WDR44: variants seen among roughly 807,000 people sequenced by gnomAD.
WDR44 encodes WD repeat-containing protein 44.
A neutral mutation model predicts 65.7 loss-of-function variants in WDR44; 9 were observed. The observed-to-expected ratio is 0.14, with a 90% CI of 0.08 to 0.24. The LOEUF is 0.24. WDR44 is among the 10% of genes least tolerant of loss of function. WDR44 has a pLI of 1.00. For synonymous variants in WDR44, 220 were observed against 235.2 expected (o/e 0.94, Z 0.59); for missense variants, 425 against 670.9 (o/e 0.63, Z 4.05).
At chrX:118,424,323 GTATATATA>G (rs1171699587) in intron 12 of WDR44, among the ~76,000 whole-genome samples, 3 of 65,566 alleles carry the variant, frequency 4.6e-5, no homozygotes, top group African/African-American at 2.0e-4. Context: ...GTGTGTGTGT[GTATATATA>G]TATATATATA....
chrX:118,359,910 T>C (rs2056496401), intron 1 of WDR44, among the ~76,000 whole-genome samples: 1 of 112,328 alleles, frequency 8.9e-6, no homozygotes, highest in South Asian at 3.6e-4. Context: ...TAAACCAGTA[T>C]TGCTTTGCAT....
chrX:118,393,149 G>A lies in WDR44; in HGVS notation c.704G>A (p.Arg235His). The part of the protein sequence containing the change: ...VASTKKPVPA[R>H]PPPPTNFPPP... The stretch of plus-strand genomic sequence containing the variant: ...AGTACAAAGAAGCCTGTTCCAGCAC[G>A]CCCACCTCCTCCAACTAATTTCCCA... Residue 235 changes from arginine (R) to histidine (H), a missense_variant, in exon 4 of 20, where the codon CGC becomes CAC. Physicochemically the swap from Arg to His is conservative, Grantham distance 29. Coordinates refer to ENST00000254029, the MANE Select transcript of WDR44 (RefSeq NM_019045.5). 1 of 1,211,253 alleles carries A rather than the reference G, an allele frequency of 8.3e-7. No homozygotes were observed.
intron 5 of WDR44, among the ~76,000 whole-genome samples, chrX:118,394,837 A>C (rs1252275917): frequency 9.0e-6 from 1 of 111,631 alleles, no homozygotes; most frequent in Non-Finnish European, 1.9e-5. Flanking sequence ...GGTTGTTTAA[A>C]ATAAGAAGAA....
chrX:118,371,812 TG>T (rs780291508), intron 1 of WDR44, among the ~76,000 whole-genome samples: 2 of 111,122 alleles, frequency 1.8e-5, no homozygotes, highest in Non-Finnish European at 3.8e-5. Context: ...TATGTCTACA[TG>T]TAACTTCAGA....
At chrX:118,360,473 T>G (rs1290736204) in intron 1 of WDR44, among the ~76,000 whole-genome samples, 1 of 112,252 alleles carries the variant, frequency 8.9e-6, no homozygotes, top group Non-Finnish European at 1.9e-5. Context: ...AGAGTTCTTG[T>G]TAAGTGTTTC....
intron 9 of WDR44, among the ~76,000 whole-genome samples, chrX:118,406,250 A>G (rs1327062078): frequency 9.0e-6 from 1 of 111,223 alleles, no homozygotes; most frequent in Non-Finnish European, 1.9e-5. Context: ...TGCCATGGAT[A>G]CTGGGGAATA....
intron 1 of WDR44, among the ~76,000 whole-genome samples, chrX:118,359,773 A>T (rs1453180373): frequency 8.9e-6 from 1 of 112,407 alleles, no homozygotes; most frequent in Non-Finnish European, 1.9e-5. Context: ...CTATGCTTTC[A>T]TAGTATTTAA....
Position 118,378,466 on chromosome X carries a change from T to C in WDR44, c.111+14T>C. 8.4e-7 allele frequency: 1 copy of C among 1,197,110 alleles called. No homozygotes were observed. Among genetic ancestry groups the C allele is most frequent in the Non-Finnish European group, 1.1e-6 (1 of 884,361 alleles). On this transcript the variant is annotated intron_variant, in intron 2 of 19. Coordinates refer to ENST00000254029, the MANE Select transcript of WDR44 (RefSeq NM_019045.5). ...TCAACATTCAAGGTAAGTTGTGCTT[T>C]CTGAAAGTTATGTTTTTAGAAATTG...
chrX:118,377,774 C>G (rs1453362789), intron 1 of WDR44, among the ~76,000 whole-genome samples: 1 of 94,247 alleles, frequency 1.1e-5, no homozygotes, highest in Non-Finnish European at 2.0e-5. Context: ...CTCCCCCAAG[C>G]TGGAGTGCAG....
chrX:118,355,758 C>T (rs2056453519), intron 1 of WDR44, among the ~76,000 whole-genome samples: 1 of 111,081 alleles, frequency 9.0e-6, no homozygotes, highest in South Asian at 3.8e-4. Context: ...GTATCTACTG[C>T]GCTTCACAAT....
chrX:118,438,795 A>ATTTTTTTT (rs2057276055), intron 14 of WDR44, among the ~76,000 whole-genome samples: 3 of 62,553 alleles, frequency 4.8e-5, no homozygotes, highest in South Asian at 1.5e-3. Flanking sequence ...CTGTTCAGCC[A>ATTTTTTTT]TGTTTTTTTT....
chrX:118,372,587 TA>T (rs1050138480), intron 1 of WDR44, among the ~76,000 whole-genome samples: 16 of 105,449 alleles, frequency 1.5e-4, no homozygotes, highest in Middle Eastern at 4.9e-3. Flanking sequence ...AACAGTTCAA[TA>T]AAAAAAAAAG....
At chrX:118,374,874 C>T (rs1300090119) in intron 1 of WDR44, among the ~76,000 whole-genome samples, 1 of 111,372 alleles carries the variant, frequency 9.0e-6, no homozygotes, top group African/African-American at 3.3e-5. Context: ...AGGATGAGAT[C>T]GAGGCTTGGA....
chrX:118,417,865 C>T (rs1051539049), intron 12 of WDR44, among the ~76,000 whole-genome samples: 1 of 111,780 alleles, frequency 8.9e-6, no homozygotes, highest in Non-Finnish European at 1.9e-5. Flanking sequence ...CTCGTAGAGG[C>T]TTCATTCATA....
At chrX:118,375,340 G>C (rs1306470372) in intron 1 of WDR44, among the ~76,000 whole-genome samples, 1 of 109,652 alleles carries the variant, frequency 9.1e-6, no homozygotes, top group Non-Finnish European at 1.9e-5. Context: ...CTTTGTTGCA[G>C]GTGATTGGCA....
intron 5 of WDR44, among the ~76,000 whole-genome samples, chrX:118,395,013 C>A (rs1431731605): frequency 9.0e-6 from 1 of 111,438 alleles, no homozygotes; most frequent in Non-Finnish European, 1.9e-5. Context: ...TCAAATAGAA[C>A]ATTTATTTGT....
rs1471115375 is a variant in WDR44 at position 118,367,326 on chromosome X, A to G, written c.78-11093A>G. Among the ~76,000 whole-genome samples, 3 of 111,779 alleles carry G rather than the reference A, an allele frequency of 2.7e-5. No homozygotes were observed. The East Asian group carries it at 8.4e-4, about 31-fold the overall frequency. On this transcript the variant is annotated intron_variant, in intron 1 of 19. Coordinates refer to ENST00000254029, the MANE Select transcript of WDR44 (RefSeq NM_019045.5). The stretch of plus-strand genomic sequence containing the variant: ...TTTTTACTGGCAGATTTGGGACTAA[A>G]ACTCAGGTCTCCTGATTCTGCTCTT...
At chrX:118,394,314 C>A in intron 5 of WDR44, 129 bp downstream of exon 5, 1 of 938,589 alleles carries the variant, frequency 1.1e-6, no homozygotes, top group Non-Finnish European at 1.4e-6. Context: ...CCCCTTACTT[C>A]TCTTGATCAG....
intron 4 of WDR44, among the ~76,000 whole-genome samples, chrX:118,393,592 C>CAA (rs34351231): frequency 3.6e-4 from 30 of 83,185 alleles, no homozygotes; most frequent in African/African-American, 8.8e-4. Context: ...AATCTTGTCT[C>CAA]AAAAAAAAAA....
Sources: gnomAD v4.1 joint callset for allele counts (sites outside exome capture counted in the v4.1 genomes callset) on GRCh38, gnomAD v4.1.1 for gene constraint, MANE v1.5 for transcripts, NCBI Gene and HGNC (gene_info 2026-07-23, HGNC 2026-07-21) for gene names.